BNC2: variants seen among roughly 807,000 people sequenced by gnomAD.
The protein encoded by BNC2 is basonuclin zinc finger protein 2, also known as zinc finger protein basonuclin-2.
Under a neutral mutation model 76.3 loss-of-function variants are expected in BNC2, and 20 were observed. That is an observed-to-expected ratio of 0.26 (90% CI 0.18 to 0.38). BNC2 has a LOEUF of 0.38. Among genes scored for constraint, BNC2 ranks in the 10% least tolerant of loss-of-function variants. The pLI, the probability that BNC2 is intolerant of heterozygous loss-of-function variation, is 1.00. For missense variants in BNC2, 1,382 were observed against 1,399.8 expected, an observed-to-expected ratio of 0.99 and a Z score of 0.20; for synonymous variants, 582 against 514.8, an observed-to-expected ratio of 1.13 and a Z score of -1.77.
chr9:16,819,925 G>C (rs989990676), intron 1 of BNC2, among the ~76,000 whole-genome samples: 2 of 151,864 alleles, frequency 1.3e-5, no homozygotes, highest in Non-Finnish European at 2.9e-5. Context: ...AGGAGTTCAA[G>C]TCCAGCCTGG....
At chr9:16,458,989 A>T (rs966011924) in intron 5 of BNC2, among the ~76,000 whole-genome samples, 1 of 152,234 alleles carries the variant, frequency 6.6e-6, no homozygotes, top group Non-Finnish European at 1.5e-5. Flanking sequence ...GGCAAAAGAA[A>T]ACACATTCCT....
intron 1 of BNC2, among the ~76,000 whole-genome samples, chr9:16,755,357 C>G (rs1014183566): frequency 6.6e-6 from 1 of 152,124 alleles, no homozygotes; most frequent in African/African-American, 2.4e-5. Context: ...CACCTCAGAA[C>G]ATACCCTATT....
intron 3 of BNC2, among the ~76,000 whole-genome samples, chr9:16,709,672 G>C (rs1169267106): frequency 6.6e-6 from 1 of 152,164 alleles, no homozygotes; most frequent in South Asian, 2.1e-4. Context: ...ATAAAATTTA[G>C]TTAACTTTTA....
At chr9:16,810,163 A>G (rs1818008768) in intron 1 of BNC2, among the ~76,000 whole-genome samples, 1 of 152,234 alleles carries the variant, frequency 6.6e-6, no homozygotes, top group Non-Finnish European at 1.5e-5. Context: ...GCTTTATAAA[A>G]AGAATATCAT....
At chr9:16,508,766 C>T (rs941493324) in intron 5 of BNC2, among the ~76,000 whole-genome samples, 5 of 151,954 alleles carry the variant, frequency 3.3e-5, no homozygotes, top group African/African-American at 1.2e-4. Context: ...TGCCTTCTGC[C>T]CACAAATCAG....
chr9:16,595,621 T>C (rs1023926473), intron 3 of BNC2, among the ~76,000 whole-genome samples: 2 of 152,174 alleles, frequency 1.3e-5, no homozygotes, highest in South Asian at 2.1e-4. Flanking sequence ...TAAATTCATA[T>C]GCTCAGAGAA....
chr9:16,707,355 C>A (rs1255301404), intron 3 of BNC2, among the ~76,000 whole-genome samples: 9 of 152,120 alleles, frequency 5.9e-5, no homozygotes. Flanking sequence ...TCAAGTGATG[C>A]CGTGAGATTA....
Position 16,435,904 on chromosome 9 carries a change from T to C in BNC2, c.2290A>G (p.Ser764Gly), listed in dbSNP as rs199800113. 6.1e-5 allele frequency: 98 copies of C among 1,613,958 alleles called. No homozygotes were observed. The highest frequency in any genetic ancestry group is 8.0e-5 in the Non-Finnish European group (94 of 1,180,002). ...ATGACGTCCTGGTGAGAGGGCTCAC[T>C]GTGGTTCTCATCAGGCCTCTCACTA... ...MNSERPDENH[S>G]EPSHQDVIKV... The change falls in exon 6 of 7, where the codon AGT becomes GGT. Residue 764 changes from serine (S) to glycine (G), a missense_variant. Ser to Gly is a moderately conservative substitution (Grantham distance 56). Coordinates refer to ENST00000380672, the MANE Select transcript of BNC2 (RefSeq NM_017637.6).
chr9:16,811,360 G>A (rs951472393), intron 1 of BNC2, among the ~76,000 whole-genome samples: 1 of 151,032 alleles, frequency 6.6e-6, no homozygotes, highest in African/African-American at 2.4e-5. Flanking sequence ...AGACAAGCCT[G>A]GCCAACATGG....
intron 1 of BNC2, among the ~76,000 whole-genome samples, chr9:16,770,029 T>A (rs1563934858): frequency 6.6e-6 from 1 of 152,118 alleles, no homozygotes; most frequent in Non-Finnish European, 1.5e-5. Context: ...TTTTGCTCAA[T>A]GAATTACTTG....
chr9:16,744,329 G>T (rs1461911470), intron 1 of BNC2, among the ~76,000 whole-genome samples: 1 of 152,070 alleles, frequency 6.6e-6, no homozygotes, highest in African/African-American at 2.4e-5. Context: ...TGGAACTAAA[G>T]GAAAAACGTG....
intron 1 of BNC2, among the ~76,000 whole-genome samples, chr9:16,866,743 G>A (rs1199345229): frequency 1.4e-5 from 2 of 147,622 alleles, no homozygotes; most frequent in Admixed American, 6.8e-5. Flanking sequence ...TACTCTTTTT[G>A]TGCAACATTC....
At chr9:16,737,412 G>T (rs377675019) in intron 2 of BNC2, among the ~76,000 whole-genome samples, 2 of 151,510 alleles carry the variant, frequency 1.3e-5, no homozygotes, top group African/African-American at 4.9e-5. Context: ...CACCACGCCC[G>T]GCTAATTTTT....
At chr9:16,449,901 T>C (rs1821306242) in intron 5 of BNC2, among the ~76,000 whole-genome samples, 1 of 152,098 alleles carries the variant, frequency 6.6e-6, no homozygotes, top group East Asian at 1.9e-4. Flanking sequence ...CATTTCCTAT[T>C]ATTTTGATAG....
intron 1 of BNC2, among the ~76,000 whole-genome samples, chr9:16,828,663 T>C (rs867198810): frequency 2.6e-5 from 4 of 152,178 alleles, no homozygotes; most frequent in South Asian, 2.1e-4. Context: ...CATATGCTCA[T>C]TGCCCTGTGA....
intron 1 of BNC2, among the ~76,000 whole-genome samples, chr9:16,779,125 A>AG (rs1826049832): frequency 7.8e-6 from 1 of 128,520 alleles, no homozygotes; most frequent in Non-Finnish European, 1.6e-5. Context: ...AAAAAAAAAA[A>AG]AAAAAAAAAG....
At chr9:16,554,625 C>T (rs1213614812) in intron 4 of BNC2, among the ~76,000 whole-genome samples, 1 of 152,122 alleles carries the variant, frequency 6.6e-6, no homozygotes, top group African/African-American at 2.4e-5. Flanking sequence ...GGCATTTAGA[C>T]TGCAAAAAAG....
At chr9:16,789,987 G>A (rs540457116) in intron 1 of BNC2, among the ~76,000 whole-genome samples, 17 of 152,220 alleles carry the variant, frequency 1.1e-4, no homozygotes, top group South Asian at 2.1e-4. Flanking sequence ...GTGATCATGC[G>A]CGCTGAAATC....
At chr9:16,533,968 T>C (rs764129428) in intron 5 of BNC2, among the ~76,000 whole-genome samples, 2 of 149,286 alleles carry the variant, frequency 1.3e-5, no homozygotes, top group Non-Finnish European at 2.9e-5. Flanking sequence ...ACAAAAAACG[T>C]CTGACTTCTA....
Sources: allele counts gnomAD v4.1 joint callset (sites outside exome capture counted in the v4.1 genomes callset), GRCh38; gene constraint gnomAD v4.1.1; transcripts MANE v1.5; gene names NCBI Gene and HGNC (gene_info 2026-07-23, HGNC 2026-07-21).